Variants in RBL1 observed in about 807,000 individuals in gnomAD.
The protein encoded by RBL1 is RB transcriptional corepressor like 1, also known as retinoblastoma-like protein 1.
RBL1 carries 82 observed loss-of-function variants against 123.0 expected under a neutral mutation model. That is an observed-to-expected ratio of 0.67 (90% CI 0.56 to 0.80). The LOEUF (loss-of-function observed/expected upper bound fraction) is 0.80. Ranked by LOEUF, RBL1 falls within the 30% of genes least tolerant of loss-of-function variation. The pLI is 0.00. For synonymous variants in RBL1, 405 were observed against 441.3 expected (o/e 0.92, Z 1.03); for missense variants, 1,171 against 1,299.6 (o/e 0.90, Z 1.52).
chr20:37,094,120 G>T (rs1205873112), intron 1 of RBL1, among the ~76,000 whole-genome samples: 3 of 152,056 alleles, frequency 2.0e-5, no homozygotes, highest in Non-Finnish European at 4.4e-5. Flanking sequence ...CACAAAACTG[G>T]GAACAAACTT....
intron 1 of RBL1, among the ~76,000 whole-genome samples, chr20:37,089,659 T>TA (rs542194813): frequency 1.2e-3 from 156 of 135,472 alleles, no homozygotes; most frequent in East Asian, 2.5e-3. Flanking sequence ...TCCTGTCTCT[T>TA]AAAAAAAAAA....
chr20:37,021,410 C>G (rs2064337773), intron 17 of RBL1, among the ~76,000 whole-genome samples: 1 of 151,926 alleles, frequency 6.6e-6, no homozygotes, highest in African/African-American at 2.4e-5. Flanking sequence ...GGAAAACACA[C>G]GATTAGTTAG....
intron 2 of RBL1, among the ~76,000 whole-genome samples, chr20:37,068,842 T>C (rs910295880): frequency 2.0e-5 from 3 of 151,948 alleles, no homozygotes; most frequent in Non-Finnish European, 1.5e-5. Context: ...GCTCTCCCTC[T>C]CCCTCTCCCC....
At chr20:37,057,004 T>TCTACCTACCTAC (rs58869678) in intron 9 of RBL1, among the ~76,000 whole-genome samples, 3,494 of 147,578 alleles carry the variant, frequency 0.024, 43 homozygotes, top group East Asian at 0.041. Context: ...TATCTATCTA[T>TCTACCTACCTAC]CTACCTACCT....
chr20:36,996,869 A>G lies in RBL1; in HGVS notation c.*1890T>C, dbSNP rs924596475. ...AGACAGACTTTGTTTTTTGGCTTAT[A>G]ACAATGTGTAGATACTACACAAAGA... On this transcript the variant is annotated 3_prime_UTR_variant, in exon 22 of 22. Coordinates refer to ENST00000373664, the MANE Select transcript of RBL1 (RefSeq NM_002895.5). The G allele has an allele frequency of 2.6e-5, 4 of 152,252 alleles. No homozygotes were observed. The highest frequency in any genetic ancestry group is 2.6e-4 in the Admixed American group (4 of 15,284). The allele number at this position is 152,252 out of a possible 1,614,324, so 9.4% of individuals were successfully genotyped here. A position where few individuals can be genotyped will look rare whatever the true frequency, so the allele number is the denominator to read the frequency against.
At position 36,998,880 on chromosome 20, in the gene RBL1, T is replaced by C. The variant is rs751327207; in HGVS notation, c.3086A>G (p.Lys1029Arg). 1.2e-5 allele frequency: 20 copies of C among 1,613,710 alleles called. No homozygotes were observed. Among genetic ancestry groups the C allele is most frequent in the Non-Finnish European group, 1.6e-5 (19 of 1,179,802 alleles). Reference sequence around the variant, plus strand: ...ACTATCGATGGCTATTACTCGCTTCTTGGTTCTCTGCTCACCTTGCCTTAT... The same window carrying C: ...ACTATCGATGGCTATTACTCGCTTCCTGGTTCTCTGCTCACCTTGCCTTAT... ...NMIRQGEQRTKKRVIAIDSDA... is the reference protein window; with the variant it reads ...NMIRQGEQRTRKRVIAIDSDA... Residue 1029 changes from lysine to arginine, a missense_variant, in exon 22 of 22, where the codon AAG becomes AGG. By Grantham distance (26) the Lys-to-Arg change is conservative. Transcript: ENST00000373664.
intron 2 of RBL1, among the ~76,000 whole-genome samples, chr20:37,069,064 C>T (rs1310924688): frequency 6.6e-6 from 1 of 152,258 alleles, no homozygotes; most frequent in Non-Finnish European, 1.5e-5. Context: ...GGTCTCCAGC[C>T]CCTAACCGCA....
At chr20:37,044,422 C>T (rs904255480) in intron 12 of RBL1, among the ~76,000 whole-genome samples, 172 bp from the exon 13 acceptor site, 1 of 152,100 alleles carries the variant, frequency 6.6e-6, no homozygotes, top group Non-Finnish European at 1.5e-5. Context: ...ACTGCAACCT[C>T]TGCCTCCCAG....
intron 1 of RBL1, among the ~76,000 whole-genome samples, chr20:37,093,405 G>A (rs2065678555): frequency 6.6e-6 from 1 of 151,700 alleles, no homozygotes; most frequent in South Asian, 2.1e-4. Context: ...GCTCTGGGAG[G>A]CTGCGGCAGA....
chr20:37,069,709 C>T (rs1437529129), intron 2 of RBL1, among the ~76,000 whole-genome samples: 1 of 151,770 alleles, frequency 6.6e-6, no homozygotes, highest in Non-Finnish European at 1.5e-5. Context: ...AAGTGAGGAG[C>T]GTCTCCGCCT....
At chr20:37,063,632 C>T (rs533208420) in intron 7 of RBL1, among the ~76,000 whole-genome samples, 37 of 152,048 alleles carry the variant, frequency 2.4e-4, no homozygotes, top group Non-Finnish European at 4.7e-4. Context: ...CTGCCTCAGT[C>T]TTCCAAGCAG....
chr20:37,091,366 A>AG (rs1472817276), intron 1 of RBL1, among the ~76,000 whole-genome samples: 4 of 151,426 alleles, frequency 2.6e-5, no homozygotes, highest in African/African-American at 7.3e-5. Context: ...CTCAAAAAAA[A>AG]AAACAAGAAT....
At chr20:37,016,941 AG>A (rs139893381) in intron 19 of RBL1, among the ~76,000 whole-genome samples, 17,004 of 85,716 alleles carry the variant, frequency 0.2, 1,073 homozygotes, top group African/African-American at 0.24. Context: ...GGGGGAGAGG[AG>A]GGGGATGGGG....
intron 1 of RBL1, among the ~76,000 whole-genome samples, chr20:37,094,012 C>G (rs1352716979): frequency 6.6e-6 from 1 of 152,124 alleles, no homozygotes; most frequent in East Asian, 1.9e-4. Flanking sequence ...TGAAGATGTC[C>G]TATTCAACTC....
chr20:37,072,442 C>A lies in RBL1; in HGVS notation c.291-4256G>T, dbSNP rs1006530464. On this transcript the variant is annotated intron_variant, in intron 2 of 21. Coordinates refer to ENST00000373664, the MANE Select transcript of RBL1 (RefSeq NM_002895.5). ...GGAAGTTGCGGGGAGGCGGAAGTTGCGGTGAGCTGAGATCGCACCATTGCA... is the reference window on the plus strand; with the variant it reads ...GGAAGTTGCGGGGAGGCGGAAGTTGAGGTGAGCTGAGATCGCACCATTGCA... Among the ~76,000 whole-genome samples, 2 of 152,034 alleles carry A rather than the reference C, an allele frequency of 1.3e-5. 1 individual carries two copies. The highest frequency in any genetic ancestry group is 2.9e-5 in the Non-Finnish European group (2 of 68,024).
chr20:37,044,963 T>C (rs2146267549), intron 12 of RBL1, among the ~76,000 whole-genome samples: 1 of 152,252 alleles, frequency 6.6e-6, no homozygotes. Context: ...TTTGCGTATA[T>C]ACACTATAAT....
rs2065185124 is a variant in RBL1 at position 37,066,864 on chromosome 20, T to C, written c.706A>G (p.Thr236Ala). 6.2e-7 allele frequency: 1 copy of C among 1,613,480 alleles called. No homozygotes were observed. The highest frequency in any genetic ancestry group is 2.2e-5 in the East Asian group (1 of 44,858). ...SFKGLPSDFH[T>A]ADFTASEEPP... ...TCTTCAGAAGCCGTAAAGTCAGCAG[T>C]ATGAAAATCAGATGGTAAACCTAGT... The change falls in exon 6 of 22, where the codon ACT becomes GCT. Residue 236 changes from threonine (T) to alanine (A), a missense_variant. By Grantham distance (58) the Thr-to-Ala change is moderately conservative. Coordinates refer to ENST00000373664, the MANE Select transcript of RBL1 (RefSeq NM_002895.5).
At chr20:37,052,007 G>A (rs1307669455) in intron 11 of RBL1, among the ~76,000 whole-genome samples, 1 of 151,594 alleles carries the variant, frequency 6.6e-6, no homozygotes, top group East Asian at 1.9e-4. Context: ...GGGACAGAGA[G>A]GAACATTTTA....
chr20:37,031,661 G>A (rs1806861444), intron 16 of RBL1, among the ~76,000 whole-genome samples: 1 of 152,194 alleles, frequency 6.6e-6, no homozygotes, highest in Non-Finnish European at 1.5e-5. Flanking sequence ...CTCAGAAAAT[G>A]AAATACTAAA....
Sources: allele counts gnomAD v4.1 joint callset (sites outside exome capture counted in the v4.1 genomes callset), GRCh38; gene constraint gnomAD v4.1.1; transcripts MANE v1.5; gene names NCBI Gene and HGNC (gene_info 2026-07-23, HGNC 2026-07-21).